MSL1: variants seen among roughly 807,000 people sequenced by gnomAD.
The protein encoded by MSL1 is male-specific lethal 1 homolog.
MSL1 carries 21 observed loss-of-function variants against 64.6 expected under a neutral mutation model. The ratio of observed to expected loss-of-function variants is 0.33; its 90% CI spans 0.23 to 0.47. The LOEUF (loss-of-function observed/expected upper bound fraction) is 0.47, where lower values mean the gene tolerates loss of function less well. Ranked by LOEUF, MSL1 falls within the 20% of genes least tolerant of loss-of-function variation. The probability of loss-of-function intolerance (pLI) is 1.00; values close to 1 mark genes in which losing one functional copy is unlikely to be tolerated. For missense variants in MSL1, 664 were observed against 793.2 expected (o/e 0.84, Z 1.96); for synonymous variants, 339 against 329.6 (o/e 1.03, Z -0.31).
rs1357533251 is a variant in MSL1 at position 40,135,438 on chromosome 17, C to T, written c.*1069C>T. 1 of 152,300 alleles carries T rather than the reference C, an allele frequency of 6.6e-6. No homozygotes were observed. Among genetic ancestry groups the T allele is most frequent in the Admixed American group, 6.6e-5 (1 of 15,260 alleles). 9.4% of individuals were successfully genotyped at this position (152,300 alleles called of 1,614,324 possible). A position where few individuals can be genotyped will look rare whatever the true frequency, so the allele number is the denominator to read the frequency against. ...GGCCACTTTGGTCTCAGTGTAAGAT[C>T]CCTATTAACTATCTGAAAGGAAAAT... On this transcript the variant is annotated 3_prime_UTR_variant, in exon 9 of 9. Coordinates refer to ENST00000398532, the MANE Select transcript of MSL1 (RefSeq NM_001365919.1).
intron 1 of MSL1, among the ~76,000 whole-genome samples, chr17:40,124,315 GTC>G (rs542175141): frequency 1.3e-5 from 2 of 151,900 alleles, no homozygotes; most frequent in Middle Eastern, 6.8e-3. Context: ...GGCTGCAGCA[GTC>G]TCTCTCTCCC....
rs1348360383 is a variant in MSL1, at chr17:40,126,170, C to G, written c.769-13C>G. ...TATGTGTTAAGTCTGCATTTTGCTA[C>G]TCTCTCTTTTAGCTCCTTGCTCGGA... On this transcript the variant is annotated splice_polypyrimidine_tract_variant and intron_variant, in intron 1 of 8. Coordinates refer to ENST00000398532, the MANE Select transcript of MSL1 (RefSeq NM_001365919.1). The G allele has an allele frequency of 6.2e-7, 1 of 1,612,774 alleles. No homozygotes were observed.
rs1304647187 is a variant in MSL1, at chr17:40,134,417, C to T, written c.*48C>T. On this transcript the variant is annotated 3_prime_UTR_variant, in exon 9 of 9. Coordinates refer to ENST00000398532, the MANE Select transcript of MSL1 (RefSeq NM_001365919.1). Reference sequence around the variant, plus strand: ...TTCAGATAGTTGTAGCATGCCATTCCCGAGAGTGGCAGAGACCTGTATATG... The same window carrying T: ...TTCAGATAGTTGTAGCATGCCATTCTCGAGAGTGGCAGAGACCTGTATATG... The T allele has an allele frequency of 3.4e-6, 5 of 1,467,522 alleles. No homozygotes were observed. Among genetic ancestry groups the T allele is most frequent in the Non-Finnish European group, 4.7e-6 (5 of 1,070,238 alleles). The allele number at this position is 1,467,522 out of a possible 1,614,324, so 90.9% of individuals were successfully genotyped here.
In MSL1 at chr17:40,136,385, T is replaced by G. The variant is rs1406975103; in HGVS notation, c.*2016T>G. On this transcript the variant is annotated 3_prime_UTR_variant, in exon 9 of 9. Transcript: ENST00000398532. ...GAGGACCTCTTATTTTATTGTCCCCTCTTCTAGGTTAATTCTCCTTTGATT... is the reference window on the plus strand; with the variant it reads ...GAGGACCTCTTATTTTATTGTCCCCGCTTCTAGGTTAATTCTCCTTTGATT... 2 of 152,476 alleles carry G rather than the reference T, an allele frequency of 1.3e-5. No individual in the cohort carries two copies. Among genetic ancestry groups the G allele is most frequent in the South Asian group, 2.1e-4 (1 of 4,828 alleles). The allele number at this position is 152,476 out of a possible 1,614,324, so 9.4% of individuals were successfully genotyped here.
intron 7 of MSL1, 70 bp downstream of exon 7, chr17:40,133,728 C>G (rs755009501): frequency 2.7e-5 from 44 of 1,611,452 alleles, no homozygotes; most frequent in Non-Finnish European, 3.6e-5. Flanking sequence ...CAGGGTACAA[C>G]TTGCTCTGAA....
rs1018186256 is a variant in MSL1, at chr17:40,122,657, C to T, written c.45C>T (p.Ala15=). Residue 15 remains alanine, a synonymous_variant, in exon 1 of 9, where the codon GCC becomes GCT. Transcript: ENST00000398532. The surrounding 1 kb of genome is among the most constrained non-coding windows in gnomAD (Gnocchi z 4.2). ...SAVFKAAAAP[A]GGNPEQRLDY... is the part of the protein sequence containing the mutation. ...TGTTCAAGGCGGCCGCGGCCCCTGC[C>T]GGCGGCAATCCTGAGCAGCGACTGG... The T allele has an allele frequency of 1.5e-5, 22 of 1,492,788 alleles. No individual in the cohort carries two copies. The African/African-American group carries it at 2.2e-4, about 15-fold the overall frequency. The allele number at this position is 1,492,788 out of a possible 1,614,324, so 92.5% of individuals were successfully genotyped here. A position where few individuals can be genotyped will look rare whatever the true frequency, so the allele number is the denominator to read the frequency against.
rs1988431695 is a variant in MSL1 at position 40,131,220 on chromosome 17, G to A, written c.1376-317G>A. The A allele has an allele frequency of 4.3e-6, 1 of 231,026 alleles. No homozygotes were observed. The highest frequency in any genetic ancestry group is 8.7e-6 in the Non-Finnish European group (1 of 114,960). The allele number at this position is 231,026 out of a possible 1,614,324, so 14.3% of individuals were successfully genotyped here. A position where few individuals can be genotyped will look rare whatever the true frequency, so the allele number is the denominator to read the frequency against. Reference sequence around the variant, plus strand: ...CACTGATCTTTTATTTGAAAAATAGGGTCAACTTTTACTCACCTGCCATGT... The same window carrying A: ...CACTGATCTTTTATTTGAAAAATAGAGTCAACTTTTACTCACCTGCCATGT... On this transcript the variant is annotated intron_variant, in intron 3 of 8. Coordinates refer to ENST00000398532, the MANE Select transcript of MSL1 (RefSeq NM_001365919.1). The surrounding 1 kb of genome is among the most constrained non-coding windows in gnomAD (Gnocchi z 4.5).
At position 40,132,046 on chromosome 17, in the gene MSL1, G is replaced by A; in HGVS notation, c.1436G>A (p.Arg479Lys). Residue 479 changes from arginine to lysine, a missense_variant, in exon 5 of 9, where the codon AGG (arginine) becomes AAG (lysine). By Grantham distance (26) the Arg-to-Lys change is conservative. Coordinates refer to ENST00000398532, the MANE Select transcript of MSL1 (RefSeq NM_001365919.1). ...ETSVLAVPSW[R>K]DHSVEPLRDP... Reference sequence around the variant, plus strand: ...TCTTTTTTTTCAGTTCCTTCTTGGAGGGACCACTCAGTAGAGCCTCTAAGG... The same window carrying A: ...TCTTTTTTTTCAGTTCCTTCTTGGAAGGACCACTCAGTAGAGCCTCTAAGG... 1.9e-6 allele frequency: 3 copies of A among 1,597,590 alleles called. No individual in the cohort carries two copies. Among genetic ancestry groups the A allele is most frequent in the Non-Finnish European group, 2.6e-6 (3 of 1,171,090 alleles).
At chr17:40,128,366 A>ATTTTTTTT (rs1403723890) in intron 2 of MSL1, among the ~76,000 whole-genome samples, 1 of 131,658 alleles carries the variant, frequency 7.6e-6, no homozygotes, top group African/African-American at 3.0e-5. Context: ...GACCTTGAAT[A>ATTTTTTTT]TTCTTTTTTT....
In MSL1 at chr17:40,134,460, T is replaced by C. The variant is rs1988502977; in HGVS notation, c.*91T>C. 1 of 1,032,370 alleles carries C rather than the reference T, an allele frequency of 9.7e-7. No homozygotes were observed. The highest frequency in any genetic ancestry group is 1.5e-6 in the Non-Finnish European group (1 of 678,926). The allele number at this position is 1,032,370 out of a possible 1,614,324, so 64.0% of individuals were successfully genotyped here. A position where few individuals can be genotyped will look rare whatever the true frequency, so the allele number is the denominator to read the frequency against. ...TGTATATGTGACCTTTGTCCTCACA[T>C]ATGTTATCACTCGCTGATAATACCC... is the stretch of plus-strand genomic sequence containing the variant. On this transcript the variant is annotated 3_prime_UTR_variant, in exon 9 of 9. Coordinates refer to ENST00000398532, the MANE Select transcript of MSL1 (RefSeq NM_001365919.1).
Position 40,134,532 on chromosome 17 carries a change from A to T in MSL1, c.*163A>T. ...TTTTCATTACTCTGATTTCACAAAA[A>T]CTCTTTCATTCGGCTAATTGTGAGT... On this transcript the variant is annotated 3_prime_UTR_variant, in exon 9 of 9. Coordinates refer to ENST00000398532, the MANE Select transcript of MSL1 (RefSeq NM_001365919.1). 1 of 616,050 alleles carries T rather than the reference A, an allele frequency of 1.6e-6. No individual in the cohort carries two copies. The highest frequency in any genetic ancestry group is 2.8e-6 in the Non-Finnish European group (1 of 354,560). The allele number at this position is 616,050 out of a possible 1,614,324, so 38.2% of individuals were successfully genotyped here.
chr17:40,132,068 A>G lies in MSL1; in HGVS notation c.1458A>G (p.Leu486=), dbSNP rs1273383052. ...GGAGGGACCACTCAGTAGAGCCTCT[A>G]AGGGACCCAAATCCTTCAGACCTTT... The part of the protein sequence containing the change: ...PSWRDHSVEP[L]RDPNPSDLLE... The change falls in exon 5 of 9, where the codon CTA becomes CTG. Residue 486 remains leucine (L), a synonymous_variant. Transcript: ENST00000398532. 3 of 1,603,370 alleles carry G rather than the reference A, an allele frequency of 1.9e-6. No individual in the cohort carries two copies. Among genetic ancestry groups the G allele is most frequent in the Non-Finnish European group, 1.7e-6 (2 of 1,174,256 alleles).
Position 40,132,114 on chromosome 17 carries a change from C to T in MSL1, c.1488+16C>T, listed in dbSNP as rs2145135332. On this transcript the variant is annotated intron_variant, in intron 5 of 8. Coordinates refer to ENST00000398532, the MANE Select transcript of MSL1 (RefSeq NM_001365919.1). ...CCTTTTGGAGGTAGGTAACCAAGAG[C>T]ACTCAATTGAAGAGAGTAAGAGATT... 7 of 1,571,628 alleles carry T rather than the reference C, an allele frequency of 4.5e-6. No homozygotes were observed. In the South Asian group the frequency reaches 4.6e-5, roughly 10 times the overall value.
At position 40,126,251 on chromosome 17, in the gene MSL1, G is replaced by T. The variant is rs1401867450; in HGVS notation, c.837G>T (p.Arg279Ser). ...TAAAGAAGGATAACGAGAAAGAAAGGCACAAGCTGTTTCAGGGCTATGAAA... is the reference window on the plus strand; with the variant it reads ...TAAAGAAGGATAACGAGAAAGAAAGTCACAAGCTGTTTCAGGGCTATGAAA... ...QLVKKDNEKE[R>S]HKLFQGYETE... Residue 279 changes from arginine (R) to serine (S), a missense_variant, in exon 2 of 9, where the codon AGG (arginine) becomes AGT (serine). Transcript: ENST00000398532. The T allele has an allele frequency of 6.2e-7, 1 of 1,614,038 alleles. No individual in the cohort carries two copies.
At chr17:40,126,861 T>G (rs1054560134) in intron 2 of MSL1, 1 of 162,524 alleles carries the variant, frequency 6.2e-6, no homozygotes, top group African/African-American at 2.4e-5. Context: ...AACATTCTTA[T>G]GCAGACTGTA....
chr17:40,132,536 G>A (rs1353255674), intron 5 of MSL1, among the ~76,000 whole-genome samples: 1 of 152,142 alleles, frequency 6.6e-6, no homozygotes. Flanking sequence ...TACTCGGGAG[G>A]CTGAGACAGG....
At chr17:40,134,171 C>T (rs1988495181) in intron 8 of MSL1, 108 bp from the exon 9 acceptor site, 1 of 901,470 alleles carries the variant, frequency 1.1e-6, no homozygotes. Context: ...CCAAACTAGT[C>T]AGGGATAGGA....
In MSL1 at chr17:40,129,538, C is replaced by G; in HGVS notation, c.1286C>G (p.Thr429Arg). Residue 429 changes from threonine to arginine, a missense_variant, in exon 3 of 9, where the codon ACA becomes AGA. Coordinates refer to ENST00000398532, the MANE Select transcript of MSL1 (RefSeq NM_001365919.1). ...EIEDLPYLST[T>R]EMYLCRWHQP... The stretch of plus-strand genomic sequence containing the variant: ...GAAGATTTGCCGTACCTTTCCACCA[C>G]AGAAATGTATTTGTGTCGTTGGCAC... The G allele has an allele frequency of 1.2e-6, 2 of 1,613,954 alleles. No homozygotes were observed. Among genetic ancestry groups the G allele is most frequent in the Non-Finnish European group, 1.7e-6 (2 of 1,179,884 alleles).
rs375748357 is a variant in MSL1, at chr17:40,134,308, G to A, written c.1784G>A (p.Arg595His). The part of the protein sequence containing the change: ...QNFELPWLDE[R>H]SRCRLEIQKK... ...TTTGAGCTACCCTGGTTGGATGAGC[G>A]TAGCCGATGCAGATTGGAGATCCAG... The change falls in exon 9 of 9, where the codon CGT becomes CAT. Residue 595 changes from arginine to histidine, a missense_variant. This residue lies in a region of MSL1 where 76 missense variants were observed against 98.5 expected (regional missense o/e 0.77). Transcript: ENST00000398532. 5 of 1,557,306 alleles carry A rather than the reference G, an allele frequency of 3.2e-6. No individual in the cohort carries two copies. The highest frequency in any genetic ancestry group is 2.4e-5 in the East Asian group (1 of 41,640).
Sources: allele counts gnomAD v4.1 joint callset (sites outside exome capture counted in the v4.1 genomes callset), GRCh38; gene constraint gnomAD v4.1.1; regional missense constraint gnomAD v4.1.1; non-coding constraint Gnocchi (gnomAD v3.1); transcripts MANE v1.5; gene names NCBI Gene and HGNC (gene_info 2026-07-23, HGNC 2026-07-21).